Variants in PSD observed in about 807,000 individuals in gnomAD.
PSD encodes pleckstrin and Sec7 domain containing.
In PSD, 32 loss-of-function variants were observed where a neutral mutation model predicts 91.6. The observed-to-expected ratio is 0.35, with a 90% confidence interval of 0.26 to 0.47. The LOEUF (loss-of-function observed/expected upper bound fraction) is 0.47. Ranked by LOEUF, PSD falls within the 20% of genes least tolerant of loss-of-function variation. The pLI, the probability that PSD is intolerant of heterozygous loss-of-function variation, is 1.00. For missense variants in PSD, 1,099 were observed against 1,373.9 expected (o/e 0.80, Z 3.16); for synonymous variants, 532 against 569.3 (o/e 0.93, Z 0.93).
chr10:102,403,838 T>C lies in PSD; in HGVS notation c.2844+4A>G, dbSNP rs2135447410. 1.9e-6 allele frequency: 3 copies of C among 1,610,800 alleles called. No homozygotes were observed. The highest frequency in any genetic ancestry group is 2.5e-6 in the Non-Finnish European group (3 of 1,178,216). On this transcript the variant is annotated splice_donor_region_variant and intron_variant, in intron 16 of 16. Transcript: ENST00000020673. This position sits in a 1 kb window ranked among gnomAD's most constrained non-coding sequence, Gnocchi z 6.7. ...TGGACAGAGGGGCAGACAGGGAGGC[T>C]CACCTCAAACTCCAGGTAGGCCTCC... is the stretch of plus-strand genomic sequence containing the variant.
intron 7 of PSD, 40 bp from the exon 8 acceptor site, chr10:102,411,859 G>A (rs2061428274): frequency 6.9e-6 from 10 of 1,453,806 alleles, no homozygotes; most frequent in Non-Finnish European, 9.6e-6. Context: ...GCAACCAGGA[G>A]TTTCCAGCCT....
In PSD at chr10:102,403,442, G is replaced by A. The variant is rs2061309981; in HGVS notation, c.2845-12C>T. 1 of 1,594,384 alleles carries A rather than the reference G, an allele frequency of 6.3e-7. No homozygotes were observed. Among genetic ancestry groups the A allele is most frequent in the East Asian group, 2.2e-5 (1 of 44,556 alleles). On this transcript the variant is annotated splice_polypyrimidine_tract_variant and intron_variant, in intron 16 of 16. Coordinates refer to ENST00000020673, the MANE Select transcript of PSD (RefSeq NM_002779.5). This position sits in a 1 kb window ranked among gnomAD's most constrained non-coding sequence, Gnocchi z 6.7. ...CTGTAGCGGGATTTCTGAGGCAGAG[G>A]GGCAGGGGCTGTGAGAGCCTCTTCT...
chr10:102,415,794 C>A (rs1318530740), intron 3 of PSD, among the ~76,000 whole-genome samples: 1 of 152,238 alleles, frequency 6.6e-6, no homozygotes, highest in Non-Finnish European at 1.5e-5. Flanking sequence ...ATCCTTCTGT[C>A]CCCTCCCTCC....
At chr10:102,407,870 A>C (rs998620361) in intron 10 of PSD, among the ~76,000 whole-genome samples, 5 of 152,060 alleles carry the variant, frequency 3.3e-5, no homozygotes, top group African/African-American at 1.2e-4. Context: ...GGGTGGTCCA[A>C]CGCCCTGCCC....
rs1201223902 is a variant in PSD at position 102,416,916 on chromosome 10, G to A, written c.123C>T (p.Gly41=). The A allele has an allele frequency of 1.9e-6, 3 of 1,607,346 alleles. No homozygotes were observed. The highest frequency in any genetic ancestry group is 2.2e-5 in the East Asian group (1 of 44,874). ...CTCGCCGTAGCAAGGAGCCTGTGCT[G>A]CCATACATGCTGGCTGGGGGGCTCT... The part of the protein sequence containing the change: ...VPQSPPASMY[G]STGSLLRRVA... Residue 41 remains glycine, a synonymous_variant, in exon 2 of 17, where the codon GGC becomes GGT. Coordinates refer to ENST00000020673, the MANE Select transcript of PSD (RefSeq NM_002779.5). The surrounding 1 kb of genome is among the most constrained non-coding windows in gnomAD (Gnocchi z 6.0).
chr10:102,416,355 GGCCCAGGGA>G lies in PSD; in HGVS notation c.654+21_654+29del, dbSNP rs1208337250. The G allele has an allele frequency of 1.9e-6, 3 of 1,574,200 alleles. No homozygotes were observed. In the African/African-American group the frequency reaches 4.0e-5, roughly 21 times the overall value. ...GGCTGAGCCTTGCCCCTTCACTGGG[GGCCCAGGGA>G]GCCCAGGGGAAGTTGCATACCTGGT... On this transcript the variant is annotated intron_variant, in intron 2 of 16. Transcript: ENST00000020673. This position sits in a 1 kb window ranked among gnomAD's most constrained non-coding sequence, Gnocchi z 6.0.
At chr10:102,418,474 C>T (rs2061512467) in intron 1 of PSD, among the ~76,000 whole-genome samples, 1 of 152,108 alleles carries the variant, frequency 6.6e-6, no homozygotes. Context: ...CTACTGGGGT[C>T]TCTTGAGGGG....
rs1188644044 is a variant in PSD at position 102,405,561 on chromosome 10, G to A, written c.2136-25C>T. On this transcript the variant is annotated intron_variant, in intron 11 of 16. Transcript: ENST00000020673. The surrounding 1 kb of genome is among the most constrained non-coding windows in gnomAD (Gnocchi z 5.4). The stretch of plus-strand genomic sequence containing the variant: ...TCTGCAGGTGTGATCACCTCAGAGG[G>A]GGCTGGCCATGGAGCCGCGGCCCCC... 2 of 1,587,166 alleles carry A rather than the reference G, an allele frequency of 1.3e-6. No homozygotes were observed. The highest frequency in any genetic ancestry group is 2.7e-5 in the African/African-American group (2 of 74,278).
At position 102,412,469 on chromosome 10, in the gene PSD, C is replaced by T; in HGVS notation, c.1660G>A (p.Asp554Asn). 1 of 1,614,142 alleles carries T rather than the reference C, an allele frequency of 6.2e-7. No individual in the cohort carries two copies. Among genetic ancestry groups the T allele is most frequent in the Non-Finnish European group, 8.5e-7 (1 of 1,180,036 alleles). Residue 554 changes from aspartate (D) to asparagine (N), a missense_variant, in exon 6 of 17, where the codon GAC becomes AAC. Physicochemically the swap from Asp to Asn is conservative, Grantham distance 23. This residue lies in a region of PSD where 110 missense variants were observed against 218.7 expected (regional missense o/e 0.50). Transcript: ENST00000020673. Reference protein sequence around the residue: ...TDTLSNGQKADLEAAQRLAKR... With the variant: ...TDTLSNGQKANLEAAQRLAKR... Reference sequence around the variant, plus strand: ...GCCAGGCGCTGCGCAGCCTCCAGGTCCGCTTTCTGCCCATTGGACAAGGTG... The same window carrying T: ...GCCAGGCGCTGCGCAGCCTCCAGGTTCGCTTTCTGCCCATTGGACAAGGTG...
rs1056890 is a variant in PSD, at chr10:102,403,013, G to A, written c.*187C>T. The A allele has an allele frequency of 0.38, 118,087 of 309,338 alleles. 19,644 individuals are homozygous for A. Among genetic ancestry groups the A allele is most frequent in the South Asian group, 0.52 (3,846 of 7,440 alleles). The allele number at this position is 309,338 out of a possible 1,614,324, so 19.2% of individuals were successfully genotyped here. On this transcript the variant is annotated 3_prime_UTR_variant, in exon 17 of 17. Transcript: ENST00000020673. The surrounding 1 kb of genome is among the most constrained non-coding windows in gnomAD (Gnocchi z 6.7). The stretch of plus-strand genomic sequence containing the variant: ...AACATTATCACAAAAAGGGGCTCTC[G>A]GAGGTGCCCCTAGCCTAGGCTCCTG...
In PSD at chr10:102,411,042, G is replaced by T; in HGVS notation, c.2001+16C>A. On this transcript the variant is annotated intron_variant, in intron 9 of 16. Coordinates refer to ENST00000020673, the MANE Select transcript of PSD (RefSeq NM_002779.5). Reference sequence around the variant, plus strand: ...GGGGTTTGTTTTCCGGCTCCTGCCCGCCCGCCTCCACTCACATGGCCGTGG... The same window carrying T: ...GGGGTTTGTTTTCCGGCTCCTGCCCTCCCGCCTCCACTCACATGGCCGTGG... 2 of 1,612,748 alleles carry T rather than the reference G, an allele frequency of 1.2e-6. No individual in the cohort carries two copies. Among genetic ancestry groups the T allele is most frequent in the Non-Finnish European group, 1.7e-6 (2 of 1,179,006 alleles).
In PSD at chr10:102,405,881, T is replaced by G; in HGVS notation, c.2136-345A>C. 1 of 230,756 alleles carries G rather than the reference T, an allele frequency of 4.3e-6. No individual in the cohort carries two copies. The highest frequency in any genetic ancestry group is 8.5e-6 in the Non-Finnish European group (1 of 117,392). 14.3% of individuals were successfully genotyped at this position (230,756 alleles called of 1,614,324 possible). ...GCCTGCCTCCGCTGGCTCAACCACA[T>G]CCAGCCCCAGGCTTTGCTCACGGTT... On this transcript the variant is annotated intron_variant, in intron 11 of 16. Transcript: ENST00000020673. The surrounding 1 kb of genome is among the most constrained non-coding windows in gnomAD (Gnocchi z 5.4).
Position 102,414,837 on chromosome 10 carries a change from C to A in PSD, c.1124+26G>T. 6.7e-7 allele frequency: 1 copy of A among 1,487,704 alleles called. No homozygotes were observed. The highest frequency in any genetic ancestry group is 8.9e-7 in the Non-Finnish European group (1 of 1,123,658). 92.2% of individuals were successfully genotyped at this position (1,487,704 alleles called of 1,614,324 possible). A position where few individuals can be genotyped will look rare whatever the true frequency, so the allele number is the denominator to read the frequency against. ...AGGAGCAAGCCGCTTCCCTCTCCCA[C>A]TTCCCCCTCCCACTTCCCCACTCAC... On this transcript the variant is annotated intron_variant, in intron 4 of 16. Coordinates refer to ENST00000020673, the MANE Select transcript of PSD (RefSeq NM_002779.5). This position sits in a 1 kb window ranked among gnomAD's most constrained non-coding sequence, Gnocchi z 5.6.
At chr10:102,418,169 GAC>G (rs140673906) in intron 1 of PSD, among the ~76,000 whole-genome samples, 6,575 of 147,380 alleles carry the variant, frequency 0.045, 196 homozygotes, top group Non-Finnish European at 0.065. Flanking sequence ...CACACACACA[GAC>G]ACACACACAC....
chr10:102,405,062 G>A lies in PSD; in HGVS notation c.2398-7C>T. ...TCCCAGGCTTGTACTCCTCCTGCAGGGGTGTCCATCTTGTCCTGGCCCCAA... is the reference window on the plus strand; with the variant it reads ...TCCCAGGCTTGTACTCCTCCTGCAGAGGTGTCCATCTTGTCCTGGCCCCAA... On this transcript the variant is annotated splice_polypyrimidine_tract_variant and splice_region_variant and intron_variant, in intron 13 of 16. Transcript: ENST00000020673. The surrounding 1 kb of genome is among the most constrained non-coding windows in gnomAD (Gnocchi z 5.4). The A allele has an allele frequency of 2.5e-6, 4 of 1,613,652 alleles. No individual in the cohort carries two copies. The highest frequency in any genetic ancestry group is 3.4e-6 in the Non-Finnish European group (4 of 1,179,784).
chr10:102,407,189 C>T, intron 11 of PSD, 34 bp downstream of exon 11: 1 of 1,588,188 alleles, frequency 6.3e-7, no homozygotes, highest in Middle Eastern at 2.1e-4. Context: ...CCCCATGCCC[C>T]ATCCTAGCCC....
In PSD at chr10:102,412,472, C is replaced by G. The variant is rs1379587897; in HGVS notation, c.1657G>C (p.Ala553Pro). ...AGGCGCTGCGCAGCCTCCAGGTCCG[C>G]TTTCTGCCCATTGGACAAGGTGTCT... ...STDTLSNGQK[A>P]DLEAAQRLAK... Residue 553 changes from alanine to proline, a missense_variant, in exon 6 of 17, where the codon GCG (alanine) becomes CCG (proline). Ala to Pro is a conservative substitution (Grantham distance 27). Coordinates refer to ENST00000020673, the MANE Select transcript of PSD (RefSeq NM_002779.5). 1 of 1,614,164 alleles carries G rather than the reference C, an allele frequency of 6.2e-7. No homozygotes were observed. The highest frequency in any genetic ancestry group is 1.7e-5 in the Admixed American group (1 of 60,030).
At position 102,407,455 on chromosome 10, in the gene PSD, C is replaced by T. The variant is rs1237888136; in HGVS notation, c.2092-189G>A. On this transcript the variant is annotated intron_variant, in intron 10 of 16. Coordinates refer to ENST00000020673, the MANE Select transcript of PSD (RefSeq NM_002779.5). ...CTCCACCACCTGAGCTGCATGACTTCGGGCAAGTATCCATGGAGAGGAACA... is the reference window on the plus strand; with the variant it reads ...CTCCACCACCTGAGCTGCATGACTTTGGGCAAGTATCCATGGAGAGGAACA... 2.6e-5 allele frequency among the ~76,000 whole-genome samples: 4 copies of T among 152,192 alleles called. No homozygotes were observed. In the South Asian group the frequency reaches 6.2e-4, roughly 24 times the overall value.
At chr10:102,411,555 G>A (rs972481452) in intron 8 of PSD, 152 bp downstream of exon 8, 6 of 667,898 alleles carry the variant, frequency 9.0e-6, no homozygotes, top group Non-Finnish European at 1.4e-5. Flanking sequence ...CCATGACAGC[G>A]CTGTCTGCAC....
Sources: allele counts gnomAD v4.1 joint callset (sites outside exome capture counted in the v4.1 genomes callset), GRCh38; gene constraint gnomAD v4.1.1; regional missense constraint gnomAD v4.1.1; non-coding constraint Gnocchi (gnomAD v3.1); transcripts MANE v1.5; gene names NCBI Gene and HGNC (gene_info 2026-07-23, HGNC 2026-07-21).